Variants in COBL observed in about 807,000 individuals in gnomAD.
COBL encodes cordon-bleu WH2 repeat protein.
A neutral mutation model predicts 98.8 loss-of-function variants in COBL; 51 were observed. That is an observed-to-expected ratio of 0.52 (90% confidence interval 0.41 to 0.65). The LOEUF is 0.65. COBL is among the 30% of genes least tolerant of loss of function. The probability of loss-of-function intolerance (pLI) is 0.00; values close to 1 mark genes in which losing one functional copy is unlikely to be tolerated. For synonymous variants in COBL, 634 were observed against 651.7 expected, an observed-to-expected ratio of 0.97 and a Z score of 0.41; for missense variants, 1,617 against 1,617.5, an observed-to-expected ratio of 1.00 and a Z score of 0.01.
chr7:51,178,039 C>T (rs984179508), intron 5 of COBL, among the ~76,000 whole-genome samples: 15 of 151,658 alleles, frequency 9.9e-5, no homozygotes, highest in South Asian at 6.3e-4. Context: ...TCAGCTACTG[C>T]GGAGGCTGGA....
intron 5 of COBL, among the ~76,000 whole-genome samples, chr7:51,165,875 A>G (rs1406894995): frequency 6.6e-6 from 1 of 152,076 alleles, no homozygotes; most frequent in Non-Finnish European, 1.5e-5. Flanking sequence ...CACTGGGTCA[A>G]GGAAGCAATT....
chr7:51,183,061 T>C (rs1359819209), intron 5 of COBL, among the ~76,000 whole-genome samples: 4 of 152,320 alleles, frequency 2.6e-5, no homozygotes, highest in Admixed American at 2.0e-4. Context: ...TTTATTTCTC[T>C]GAGCCCTGGT....
intron 12 of COBL, among the ~76,000 whole-genome samples, chr7:51,018,089 G>A (rs1406686420): frequency 1.3e-5 from 2 of 152,220 alleles, no homozygotes; most frequent in African/African-American, 4.8e-5. Context: ...AATGGTGTCT[G>A]GCACATGGTA....
At chr7:51,161,158 T>C (rs1357212859) in intron 5 of COBL, among the ~76,000 whole-genome samples, 19 of 152,180 alleles carry the variant, frequency 1.2e-4, no homozygotes, top group Non-Finnish European at 1.5e-5. Flanking sequence ...GATTTGAGCT[T>C]TTCCAGGCCC....
At chr7:51,275,755 G>C (rs1799258349) in intron 1 of COBL, among the ~76,000 whole-genome samples, 1 of 152,202 alleles carries the variant, frequency 6.6e-6, no homozygotes, top group Non-Finnish European at 1.5e-5. Flanking sequence ...TGAAAACACA[G>C]AGCCCAGAAG....
intron 6 of COBL, among the ~76,000 whole-genome samples, chr7:51,109,438 C>T (rs988700740): frequency 4.0e-4 from 61 of 152,284 alleles, no homozygotes; most frequent in African/African-American, 1.3e-3. Flanking sequence ...ACTTCCATCT[C>T]GCTCGCCACC....
chr7:51,070,662 T>C lies in COBL; in HGVS notation c.1096+14504A>G, dbSNP rs897709637. ...GTTTTGAATTACATTACATGAGCTA[T>C]GGAAGTTGTGAACAAACTGTATCAT... On this transcript the variant is annotated intron_variant, in intron 7 of 12. Transcript: ENST00000265136. 2.6e-5 allele frequency among the ~76,000 whole-genome samples: 4 copies of C among 152,346 alleles called. No individual in the cohort carries two copies. In the East Asian group the frequency reaches 7.7e-4, roughly 29 times the overall value.
intron 12 of COBL, among the ~76,000 whole-genome samples, chr7:51,018,018 A>G (rs1277557665): frequency 2.0e-5 from 3 of 152,240 alleles, no homozygotes; most frequent in Admixed American, 1.3e-4. Context: ...AATAATGACA[A>G]TAATAAACTG....
intron 5 of COBL, among the ~76,000 whole-genome samples, chr7:51,162,126 G>C (rs1786881701): frequency 6.6e-6 from 1 of 152,090 alleles, no homozygotes; most frequent in Middle Eastern, 3.2e-3. Flanking sequence ...CCCGTGTCTT[G>C]GAGTCCAGAT....
chr7:51,226,547 TAA>T, intron 1 of COBL, among the ~76,000 whole-genome samples: 1 of 148,996 alleles, frequency 6.7e-6, no homozygotes, highest in South Asian at 2.8e-4. Flanking sequence ...AGTGAGTGAG[TAA>T]GTGAGTGACT....
rs3047134 is a variant in COBL at position 51,061,950 on chromosome 7, T to TAC, written c.1097-18260_1097-18259dup. Among the ~76,000 whole-genome samples the TAC allele has an allele frequency of 8.0e-3, 1,161 of 145,512 alleles. 11 individuals carry two copies. Among genetic ancestry groups the TAC allele is most frequent in the Non-Finnish European group, 0.012 (784 of 67,500 alleles). ...AAAAAAAATCTCTCCCCACCATAGA[T>TAC]ACACACACACACACACACACACACA... On this transcript the variant is annotated intron_variant, in intron 7 of 12. Transcript: ENST00000265136.
chr7:51,131,786 G>T (rs1266826149), intron 6 of COBL, among the ~76,000 whole-genome samples: 1 of 152,138 alleles, frequency 6.6e-6, no homozygotes, highest in Non-Finnish European at 1.5e-5. Context: ...TAGGGATGAG[G>T]TTTCACCATG....
chr7:51,032,254 G>A (rs1422734506), intron 8 of COBL: 1 of 152,220 alleles, frequency 6.6e-6, no homozygotes, highest in East Asian at 1.9e-4. Context: ...CAACCCGTCT[G>A]CTCAGAGAGC....
At chr7:51,111,290 G>C (rs1436018572) in intron 6 of COBL, among the ~76,000 whole-genome samples, 1 of 152,116 alleles carries the variant, frequency 6.6e-6, no homozygotes, top group African/African-American at 2.4e-5. Flanking sequence ...TTCCCACCAA[G>C]AGTGCATAAG....
intron 2 of COBL, 59 bp from the exon 3 acceptor site, chr7:51,193,648 G>A (rs1790332196): frequency 1.4e-6 from 2 of 1,471,158 alleles, no homozygotes; most frequent in Non-Finnish European, 1.9e-6. Context: ...TCTTTTGCCT[G>A]GCTAAATAAG....
chr7:51,103,605 A>T (rs1372070047), intron 6 of COBL, among the ~76,000 whole-genome samples: 1 of 152,100 alleles, frequency 6.6e-6, no homozygotes, highest in African/African-American at 2.4e-5. Context: ...TTACCATTTT[A>T]CTTTAAATAA....
In COBL at chr7:51,193,572, A is replaced by T. The variant is rs774202295; in HGVS notation, c.263T>A (p.Leu88Gln). The part of the protein sequence containing the change: ...VLNGSHAMMD[L>Q]LVELCLQNHL... Reference sequence around the variant, plus strand: ...GTTCTGAAGGCAAAGTTCAACCAGTAGGTCCATCATCGCATGGCTGAAAAA... The same window carrying T: ...GTTCTGAAGGCAAAGTTCAACCAGTTGGTCCATCATCGCATGGCTGAAAAA... The change falls in exon 3 of 13, where the codon CTA becomes CAA. Residue 88 changes from leucine to glutamine, a missense_variant. By Grantham distance (113) the Leu-to-Gln change is moderately radical. Around this residue, in one of 3 missense-constraint regions of COBL, gnomAD observed 238 missense variants for 215.0 expected, o/e 1.11. Transcript: ENST00000265136. 1 of 1,614,170 alleles carries T rather than the reference A, an allele frequency of 6.2e-7. No homozygotes were observed. Among genetic ancestry groups the T allele is most frequent in the South Asian group, 1.1e-5 (1 of 91,066 alleles).
chr7:51,043,161 T>C (rs1789367389), intron 8 of COBL, among the ~76,000 whole-genome samples: 1 of 152,128 alleles, frequency 6.6e-6, no homozygotes, highest in African/African-American at 2.4e-5. Flanking sequence ...AAGGGTATGG[T>C]ACCAAAGCAA....
intron 5 of COBL, among the ~76,000 whole-genome samples, chr7:51,158,122 G>A (rs1786377578): frequency 6.6e-6 from 1 of 152,222 alleles, no homozygotes; most frequent in African/African-American, 2.4e-5. Flanking sequence ...AAAAGACAAT[G>A]CAGCAAATGT....
Sources: gnomAD v4.1 joint callset for allele counts (sites outside exome capture counted in the v4.1 genomes callset) on GRCh38, gnomAD v4.1.1 for gene constraint, gnomAD v4.1.1 regional missense constraint, MANE v1.5 for transcripts, NCBI Gene and HGNC (gene_info 2026-07-23, HGNC 2026-07-21) for gene names.